The following ANKRD18A variants were observed in gnomAD, a reference collection of about 807,000 sequenced individuals.
ANKRD18A encodes the protein ankyrin repeat domain-containing protein 18A.
In ANKRD18A, 72 loss-of-function variants were observed where a neutral mutation model predicts 110.6. The observed-to-expected ratio is 0.65, with a 90% CI of 0.54 to 0.79. ANKRD18A has a LOEUF of 0.79. ANKRD18A is among the 30% of genes least tolerant of loss of function. ANKRD18A has a pLI of 0.00. For missense variants in ANKRD18A, 934 were observed against 1,163.3 expected (o/e 0.80, Z 2.87); for synonymous variants, 305 against 410.3 (o/e 0.74, Z 3.10).
chr9:38,599,467 A>AT (rs200337501), intron 8 of ANKRD18A, among the ~76,000 whole-genome samples: 4,299 of 145,616 alleles, frequency 0.03, 85 homozygotes, highest in South Asian at 0.054. Context: ...TTTGTAATGA[A>AT]TTTTTTTTTT....
chr9:38,607,676 A>G (rs1373270763), intron 5 of ANKRD18A, among the ~76,000 whole-genome samples, 183 bp from the exon 6 acceptor site: 2 of 152,182 alleles, frequency 1.3e-5, no homozygotes, highest in Admixed American at 1.3e-4. Flanking sequence ...AACAAGAAAA[A>G]CAGGAAGTGC....
downstream of ANKRD18A, chr9:38,566,623 C>T (rs1452231677): frequency 1.3e-5 from 2 of 152,180 alleles, no homozygotes; most frequent in Non-Finnish European, 2.9e-5. Flanking sequence ...CTCCAGTCCT[C>T]ATTTGCCATT....
chr9:38,609,124 C>G (rs1825485124), intron 5 of ANKRD18A, among the ~76,000 whole-genome samples: 1 of 152,148 alleles, frequency 6.6e-6, no homozygotes, highest in Non-Finnish European at 1.5e-5. Flanking sequence ...AGCCAGGAGG[C>G]CTCGCTGCCA....
chr9:38,576,902 G>A lies in ANKRD18A; in HGVS notation c.2741+151C>T, dbSNP rs546948129. On this transcript the variant is annotated intron_variant, in intron 14 of 15. Coordinates refer to ENST00000399703, the MANE Select transcript of ANKRD18A (RefSeq NM_147195.4). ...ATCCTTGATGAACATTTTAAAGGTAGGATTATTTACTAACATTATTTTCCA... is the reference window on the plus strand; with the variant it reads ...ATCCTTGATGAACATTTTAAAGGTAAGATTATTTACTAACATTATTTTCCA... The A allele has an allele frequency of 1.6e-3, 1,077 of 664,690 alleles. 20 individuals are homozygous for A. In the South Asian group the frequency reaches 0.021, roughly 13 times the overall value. 41.2% of individuals were successfully genotyped at this position (664,690 alleles called of 1,614,324 possible). A position where few individuals can be genotyped will look rare whatever the true frequency, so the allele number is the denominator to read the frequency against.
Position 38,575,464 on chromosome 9 carries a change from C to T in ANKRD18A, c.2964+12G>A. On this transcript the variant is annotated intron_variant, in intron 15 of 15. Transcript: ENST00000399703. ...AAATGAAACCCAAAAGAGAAATGGTCATATAACTAACCTCAGTCAAGAAGT... is the reference window on the plus strand; with the variant it reads ...AAATGAAACCCAAAAGAGAAATGGTTATATAACTAACCTCAGTCAAGAAGT... 6.5e-7 allele frequency: 1 copy of T among 1,544,700 alleles called. No individual in the cohort carries two copies. Among genetic ancestry groups the T allele is most frequent in the Non-Finnish European group, 8.7e-7 (1 of 1,143,648 alleles).
intron 5 of ANKRD18A, among the ~76,000 whole-genome samples, chr9:38,609,896 T>C (rs1174834905): frequency 7.1e-6 from 1 of 140,602 alleles, no homozygotes; most frequent in Non-Finnish European, 1.5e-5. Context: ...GGCAGGAGAA[T>C]CACTTGAGCT....
intron 1 of ANKRD18A, among the ~76,000 whole-genome samples, chr9:38,618,745 A>G (rs765065282): frequency 5.9e-5 from 9 of 152,098 alleles, no homozygotes; most frequent in Non-Finnish European, 1.3e-4. Flanking sequence ...TCCTATGTAC[A>G]TAAGTAACTT....
intron 15 of ANKRD18A, among the ~76,000 whole-genome samples, chr9:38,573,647 G>T (rs1373730456): frequency 6.6e-6 from 1 of 152,016 alleles, no homozygotes; most frequent in African/African-American, 2.4e-5. Flanking sequence ...CCCAGGAGGT[G>T]GAGGTTGCAG....
intron 10 of ANKRD18A, among the ~76,000 whole-genome samples, chr9:38,590,005 T>G (rs999902270): frequency 2.0e-5 from 3 of 152,214 alleles, no homozygotes; most frequent in Non-Finnish European, 4.4e-5. Flanking sequence ...CTGGTGCAGA[T>G]TACTTTTGTA....
chr9:38,577,820 A>G lies in ANKRD18A; in HGVS notation c.2529+47T>C, dbSNP rs183549259. The G allele has an allele frequency of 9.2e-4, 1,406 of 1,528,808 alleles. 5 individuals are homozygous for G. Among genetic ancestry groups the G allele is most frequent in the African/African-American group, 7.7e-3 (548 of 70,804 alleles). 94.7% of individuals were successfully genotyped at this position (1,528,808 alleles called of 1,614,324 possible). A position where few individuals can be genotyped will look rare whatever the true frequency, so the allele number is the denominator to read the frequency against. ...TCCAAAATATAGTTTGCAGTGAAAT[A>G]AATGAAAGCCCATTACAGATAAACT... On this transcript the variant is annotated intron_variant, in intron 13 of 15. Transcript: ENST00000399703.
intron 8 of ANKRD18A, among the ~76,000 whole-genome samples, chr9:38,598,385 T>C (rs1587519646): frequency 1.3e-5 from 2 of 152,220 alleles, no homozygotes; most frequent in South Asian, 4.1e-4. Flanking sequence ...GTCATTTAGA[T>C]AGCAGCACTA....
downstream of ANKRD18A, chr9:38,568,553 T>G: frequency 4.1e-6 from 1 of 244,850 alleles, no homozygotes; most frequent in Non-Finnish European, 6.5e-6. Flanking sequence ...CCTCAGGCTG[T>G]GGGAACCTGG....
rs149973316 is a variant in ANKRD18A, at chr9:38,578,719, A to G, written c.2248-571T>C. Among the ~76,000 whole-genome samples, 1,240 of 152,208 alleles carry G rather than the reference A, an allele frequency of 8.1e-3. 17 individuals are homozygous for G. The highest frequency in any genetic ancestry group is 0.028 in the African/African-American group (1,182 of 41,534). On this transcript the variant is annotated intron_variant, in intron 12 of 15. Transcript: ENST00000399703. The stretch of plus-strand genomic sequence containing the variant: ...TAGTGAGACCCCCATCTCTACAAAA[A>G]AACAAATTTAAAAAATTAGCCAGGC...
intron 8 of ANKRD18A, among the ~76,000 whole-genome samples, chr9:38,597,567 G>A (rs1824941872): frequency 6.6e-6 from 1 of 152,068 alleles, no homozygotes; most frequent in Non-Finnish European, 1.5e-5. Context: ...AGGTGGCATT[G>A]CCTAGCATTT....
intron 12 of ANKRD18A, among the ~76,000 whole-genome samples, chr9:38,578,386 C>T (rs1281468442): frequency 1.3e-5 from 2 of 152,158 alleles, no homozygotes; most frequent in Non-Finnish European, 2.9e-5. Context: ...TTTGCACTTG[C>T]TTTTACTTTT....
At position 38,593,852 on chromosome 9, in the gene ANKRD18A, A is replaced by C. The variant is rs766542079; in HGVS notation, c.1912T>G (p.Ser638Ala). 5 of 1,539,926 alleles carry C rather than the reference A, an allele frequency of 3.2e-6. No individual in the cohort carries two copies. Among genetic ancestry groups the C allele is most frequent in the Admixed American group, 4.1e-5 (2 of 49,366 alleles). ...GATGTACCTTCCAGTGGAGACTCTG[A>C]TATTGAAAATGTTTTAAGGTGATCG... ...LVDHLKTFSI[S>A]ESPLEGTSHC... Residue 638 changes from serine (S) to alanine (A), a missense_variant, in exon 10 of 16, where the codon TCA (serine) becomes GCA (alanine). Around this residue, in one of 4 missense-constraint regions of ANKRD18A, gnomAD observed 630 missense variants for 797.5 expected, o/e 0.79. Coordinates refer to ENST00000399703, the MANE Select transcript of ANKRD18A (RefSeq NM_147195.4).
At chr9:38,610,676 T>C (rs148779759) in intron 4 of ANKRD18A, among the ~76,000 whole-genome samples, 48 of 152,228 alleles carry the variant, frequency 3.2e-4, no homozygotes, top group African/African-American at 9.1e-4. Context: ...TTATAGTCCT[T>C]TGATGGCCAA....
intron 10 of ANKRD18A, among the ~76,000 whole-genome samples, chr9:38,590,534 G>T (rs1475355839): frequency 6.6e-6 from 1 of 152,194 alleles, no homozygotes; most frequent in Non-Finnish European, 1.5e-5. Context: ...TTACAGATGT[G>T]AGCCACGGCA....
At chr9:38,569,474 C>T (rs1823560015), downstream of ANKRD18A, 2 of 984,474 alleles carry the variant, frequency 2.0e-6, no homozygotes, top group Non-Finnish European at 2.4e-6. Flanking sequence ...GAGCCACTCA[C>T]AGAGACTGCT....
Sources: allele counts gnomAD v4.1 joint callset (sites outside exome capture counted in the v4.1 genomes callset), GRCh38; gene constraint gnomAD v4.1.1; regional missense constraint gnomAD v4.1.1; transcripts MANE v1.5; gene names NCBI Gene and HGNC (gene_info 2026-07-23, HGNC 2026-07-21).